The following CHODL variants were observed in gnomAD, a reference collection of about 807,000 sequenced individuals.
The protein encoded by CHODL is chondrolectin, also known as transmembrane protein MT75.
In CHODL, 29 loss-of-function variants were observed where a neutral mutation model predicts 34.5. The observed-to-expected ratio is 0.84, with a 90% CI of 0.63 to 1.15. The LOEUF (loss-of-function observed/expected upper bound fraction) is 1.15. CHODL is among the 50% of genes most tolerant of loss of function. The probability of loss-of-function intolerance (pLI) is 0.00; values close to 1 mark genes in which losing one functional copy is unlikely to be tolerated. For synonymous variants in CHODL, 125 were observed against 116.1 expected, an observed-to-expected ratio of 1.08 and a Z score of -0.49; for missense variants, 332 against 332.5, an observed-to-expected ratio of 1.00 and a Z score of 0.01.
At chr21:17,947,654 A>G (rs943284695) in intron 1 of CHODL, among the ~76,000 whole-genome samples, 4 of 152,064 alleles carry the variant, frequency 2.6e-5, no homozygotes, top group African/African-American at 9.7e-5. Context: ...AAAATAAAAA[A>G]TATAAAAACA....
chr21:18,177,474 A>G (rs999476040), intron 2 of CHODL, among the ~76,000 whole-genome samples: 1 of 152,128 alleles, frequency 6.6e-6, no homozygotes, highest in Admixed American at 6.5e-5. Context: ...GGCACACAAA[A>G]TTTACAAAAT....
At chr21:18,169,865 G>A (rs949003002) in intron 2 of CHODL, among the ~76,000 whole-genome samples, 2 of 151,826 alleles carry the variant, frequency 1.3e-5, no homozygotes, top group African/African-American at 4.8e-5. Flanking sequence ...TCTTTGGCTG[G>A]TTTGTTATTT....
intron 1 of CHODL, among the ~76,000 whole-genome samples, chr21:17,918,021 G>A (rs369772883): frequency 1.3e-5 from 2 of 152,176 alleles, no homozygotes; most frequent in East Asian, 3.9e-4. Flanking sequence ...GTTTTAGTAG[G>A]TAAACCTTGT....
chr21:18,074,659 C>CT (rs1266724498), intron 2 of CHODL, among the ~76,000 whole-genome samples: 1 of 152,062 alleles, frequency 6.6e-6, no homozygotes, highest in Non-Finnish European at 1.5e-5. Context: ...TTTTTTCTTA[C>CT]TTTTTTCTTC....
intron 2 of CHODL, among the ~76,000 whole-genome samples, chr21:18,239,047 A>G (rs1399548614): frequency 1.3e-5 from 2 of 152,100 alleles, no homozygotes; most frequent in Non-Finnish European, 2.9e-5. Context: ...CAAATTTCTT[A>G]CTGTAACATG....
At chr21:18,118,056 T>C (rs992233444) in intron 2 of CHODL, among the ~76,000 whole-genome samples, 2 of 152,166 alleles carry the variant, frequency 1.3e-5, no homozygotes, top group African/African-American at 4.8e-5. Flanking sequence ...AGACCTCAAG[T>C]TGAATTGGGA....
At chr21:18,265,433 A>G (rs114218231) in intron 5 of CHODL, among the ~76,000 whole-genome samples, 6,534 of 152,048 alleles carry the variant, frequency 0.043, 461 homozygotes, top group African/African-American at 0.15. Context: ...TGAAAAACTA[A>G]GCATCGTACA....
At chr21:18,177,903 T>C (rs1042221864) in intron 2 of CHODL, among the ~76,000 whole-genome samples, 1 of 152,128 alleles carries the variant, frequency 6.6e-6, no homozygotes, top group African/African-American at 2.4e-5. Context: ...ATAAACAAAT[T>C]TGTTAATCTT....
intron 1 of CHODL, among the ~76,000 whole-genome samples, chr21:17,977,918 C>CCAAAAAAAA (rs2063678448): frequency 1.4e-5 from 1 of 69,018 alleles, no homozygotes; most frequent in East Asian, 4.5e-4. Flanking sequence ...ACTCCCATCT[C>CCAAAAAAAA]AAAAAAAAAA....
At chr21:18,024,680 C>G (rs2064156865) in intron 1 of CHODL, 1 of 152,110 alleles carries the variant, frequency 6.6e-6, no homozygotes, top group Non-Finnish European at 1.5e-5. Flanking sequence ...CAATCCTTAC[C>G]TCATTCTTTG....
intron 2 of CHODL, among the ~76,000 whole-genome samples, chr21:18,135,335 G>T (rs1220994350): frequency 2.0e-5 from 3 of 151,832 alleles, no homozygotes; most frequent in Non-Finnish European, 4.4e-5. Context: ...TCCCTACTAT[G>T]AGTTATTGAT....
intron 2 of CHODL, among the ~76,000 whole-genome samples, chr21:18,239,583 G>A (rs1411982850): frequency 1.3e-5 from 2 of 151,886 alleles, no homozygotes; most frequent in East Asian, 3.9e-4. Flanking sequence ...ATGCCACAAA[G>A]GAATATTTTA....
At chr21:18,196,280 A>C (rs1164268472) in intron 2 of CHODL, among the ~76,000 whole-genome samples, 1 of 152,234 alleles carries the variant, frequency 6.6e-6, no homozygotes, top group Non-Finnish European at 1.5e-5. Flanking sequence ...TATATCTCAA[A>C]CAACTCTTAC....
At chr21:18,060,151 G>T (rs923215054) in intron 2 of CHODL, among the ~76,000 whole-genome samples, 1 of 151,974 alleles carries the variant, frequency 6.6e-6, no homozygotes, top group East Asian at 1.9e-4. Flanking sequence ...AAGCCACGGG[G>T]ACACCTTTAA....
At chr21:18,174,141 A>ATATATATATATCTTGG (rs2073271821) in intron 2 of CHODL, among the ~76,000 whole-genome samples, 1 of 117,382 alleles carries the variant, frequency 8.5e-6, no homozygotes, top group African/African-American at 3.5e-5. Flanking sequence ...ATATATATAT[A>ATATATATATATCTTGG]TATATATATA....
At chr21:18,037,188 A>G (rs1479251880) in intron 2 of CHODL, among the ~76,000 whole-genome samples, 1 of 151,972 alleles carries the variant, frequency 6.6e-6, no homozygotes, top group Non-Finnish European at 1.5e-5. Context: ...TGATACTAAT[A>G]ATTAGAAAAC....
intron 1 of CHODL, among the ~76,000 whole-genome samples, chr21:17,977,918 C>CAAAAAACAA: frequency 1.4e-5 from 1 of 68,996 alleles, no homozygotes; most frequent in South Asian, 5.4e-4. Context: ...ACTCCCATCT[C>CAAAAAACAA]AAAAAAAAAA....
chr21:18,052,238 A>T (rs1468870450), intron 2 of CHODL, among the ~76,000 whole-genome samples: 1 of 151,844 alleles, frequency 6.6e-6, no homozygotes, highest in Non-Finnish European at 1.5e-5. Flanking sequence ...ATACATCTGA[A>T]TTTTTTTTAA....
intron 2 of CHODL, among the ~76,000 whole-genome samples, chr21:18,176,191 G>A (rs189741960): frequency 1.3e-5 from 2 of 152,150 alleles, no homozygotes; most frequent in Non-Finnish European, 2.9e-5. Flanking sequence ...AAAACATTTA[G>A]AGATAAGTTA....
Sources: allele counts gnomAD v4.1 joint callset (sites outside exome capture counted in the v4.1 genomes callset), GRCh38; gene constraint gnomAD v4.1.1; transcripts MANE v1.5; gene names NCBI Gene and HGNC (gene_info 2026-07-23, HGNC 2026-07-21).